Variants in RYR2 observed in about 807,000 individuals in gnomAD.
The protein encoded by RYR2 is ryanodine receptor 2, also known as cardiac muscle ryanodine receptor-calcium release channel.
A neutral mutation model predicts 601.1 loss-of-function variants in RYR2; 227 were observed. The observed-to-expected ratio is 0.38, with a 90% confidence interval of 0.34 to 0.42. The LOEUF is 0.42. Ranked by LOEUF, RYR2 falls within the 10% of genes least tolerant of loss-of-function variation. The pLI is 1.00. For synonymous variants in RYR2, 2,223 were observed against 2,175.1 expected, an observed-to-expected ratio of 1.02 and a Z score of -0.61; for missense variants, 4,646 against 6,156.5, an observed-to-expected ratio of 0.75 and a Z score of 8.21.
intron 25 of RYR2, among the ~76,000 whole-genome samples, chr1:237,546,570 G>A (rs1264856784): frequency 1.3e-5 from 2 of 151,900 alleles, no homozygotes; most frequent in Non-Finnish European, 2.9e-5. Flanking sequence ...TAGTAGAGAT[G>A]GGGTTTTGCC....
At chr1:237,116,437 T>C (rs1165681358) in intron 1 of RYR2, among the ~76,000 whole-genome samples, 2 of 152,052 alleles carry the variant, frequency 1.3e-5, no homozygotes, top group Non-Finnish European at 2.9e-5. Context: ...GGAGGTACTC[T>C]TATATTAGTC....
intron 1 of RYR2, among the ~76,000 whole-genome samples, chr1:237,260,755 A>G (rs1339173630): frequency 6.6e-6 from 1 of 152,226 alleles, no homozygotes. Flanking sequence ...ATTTAGTTTT[A>G]TTATTTAGAA....
At position 237,400,928 on chromosome 1, in the gene RYR2, G is replaced by A. The variant is rs184721887; in HGVS notation, c.773+12745G>A. ...TTAGAAGAATCATAGGATGGAAATGGATCAAAAATTGTACAAATCTCCCTA... is the reference window on the plus strand; with the variant it reads ...TTAGAAGAATCATAGGATGGAAATGAATCAAAAATTGTACAAATCTCCCTA... On this transcript the variant is annotated intron_variant, in intron 10 of 104. Transcript: ENST00000366574. Among the ~76,000 whole-genome samples the A allele has an allele frequency of 1.2e-4, 18 of 152,260 alleles. No homozygotes were observed. The South Asian group carries it at 2.7e-3, about 23-fold the overall frequency.
chr1:237,435,367 A>G (rs1055741459), intron 12 of RYR2, among the ~76,000 whole-genome samples: 1 of 152,242 alleles, frequency 6.6e-6, no homozygotes, highest in Non-Finnish European at 1.5e-5. Context: ...TTAACTACAT[A>G]GTAAGACTAA....
chr1:237,501,858 T>C (rs547501715), intron 21 of RYR2, among the ~76,000 whole-genome samples: 141 of 152,312 alleles, frequency 9.3e-4, no homozygotes, highest in Non-Finnish European at 1.6e-3. Context: ...AAAAGAATTA[T>C]GGACAGGTGC....
intron 1 of RYR2, among the ~76,000 whole-genome samples, chr1:237,268,241 A>T (rs756942621): frequency 5.9e-5 from 9 of 152,326 alleles, no homozygotes; most frequent in Non-Finnish European, 1.3e-4. Context: ...CCAAGAGTGT[A>T]GTTTGCATGT....
At chr1:237,745,390 G>T (rs1173743912) in intron 80 of RYR2, among the ~76,000 whole-genome samples, 1 of 152,048 alleles carries the variant, frequency 6.6e-6, no homozygotes, top group Non-Finnish European at 1.5e-5. Flanking sequence ...AATATGAAGG[G>T]CTCTCCTAAC....
At chr1:237,286,694 T>A (rs1420999628) in intron 2 of RYR2, among the ~76,000 whole-genome samples, 9 of 151,644 alleles carry the variant, frequency 5.9e-5, no homozygotes, top group South Asian at 4.2e-4. Context: ...TTTATGTGAG[T>A]CCTTATGTAT....
At chr1:237,425,935 T>G (rs1306283509) in intron 12 of RYR2, among the ~76,000 whole-genome samples, 1 of 152,134 alleles carries the variant, frequency 6.6e-6, no homozygotes, top group Non-Finnish European at 1.5e-5. Context: ...ATTTTATATT[T>G]TTGACAGATT....
chr1:237,730,217 ATT>A lies in RYR2; in HGVS notation c.10839-40_10839-39del, dbSNP rs752693293. 8 of 1,130,388 alleles carry A rather than the reference ATT, an allele frequency of 7.1e-6. No homozygotes were observed. In the South Asian group the frequency reaches 8.7e-5, roughly 12 times the overall value. The allele number at this position is 1,130,388 out of a possible 1,614,324, so 70.0% of individuals were successfully genotyped here. The stretch of plus-strand genomic sequence containing the variant: ...GCACTACTCAATACAATTTCAACTT[ATT>A]TTCTAAACACCCTTTTTCTGAAATT... On this transcript the variant is annotated intron_variant, in intron 76 of 104. Transcript: ENST00000366574.
chr1:237,369,493 G>GT (rs1485522304), intron 5 of RYR2, 41 bp from the exon 6 acceptor site: 10 of 1,507,186 alleles, frequency 6.6e-6, no homozygotes, highest in Non-Finnish European at 9.0e-6. Flanking sequence ...ACTCTTTTGT[G>GT]TTTTTCTCTC....
chr1:237,609,547 G>A (rs929782512), intron 35 of RYR2, among the ~76,000 whole-genome samples: 3 of 151,666 alleles, frequency 2.0e-5, no homozygotes, highest in Non-Finnish European at 4.4e-5. Flanking sequence ...TTTTACAGGC[G>A]AATTTTTGTA....
intron 1 of RYR2, among the ~76,000 whole-genome samples, chr1:237,110,676 C>T (rs1669370907): frequency 6.6e-6 from 1 of 152,194 alleles, no homozygotes; most frequent in Non-Finnish European, 1.5e-5. Flanking sequence ...GGTAGGGGCA[C>T]ACCTGCTATC....
intron 1 of RYR2, among the ~76,000 whole-genome samples, chr1:237,243,537 C>T (rs1419978539): frequency 6.6e-6 from 1 of 152,212 alleles, no homozygotes; most frequent in African/African-American, 2.4e-5. Flanking sequence ...GGAACTTCCA[C>T]ATGTTCAGCT....
intron 29 of RYR2, 45 bp from the exon 30 acceptor site, chr1:237,589,748 T>C: frequency 6.4e-7 from 1 of 1,556,938 alleles, no homozygotes. Context: ...ACTAACAGGA[T>C]CATATACTAA....
intron 38 of RYR2, among the ~76,000 whole-genome samples, chr1:237,621,013 T>C (rs489088): frequency 0.56 from 85,674 of 152,054 alleles, 28,075 homozygotes; most frequent in Non-Finnish European, 0.72. Flanking sequence ...GAACATATCC[T>C]GGGCCATAAA....
At chr1:237,247,312 T>C (rs1332617764) in intron 1 of RYR2, among the ~76,000 whole-genome samples, 1 of 152,240 alleles carries the variant, frequency 6.6e-6, no homozygotes, top group Non-Finnish European at 1.5e-5. Flanking sequence ...GCTACACTTT[T>C]CTTGTCATTT....
intron 4 of RYR2, among the ~76,000 whole-genome samples, chr1:237,363,500 T>A (rs968520065): frequency 4.6e-5 from 7 of 152,086 alleles, no homozygotes; most frequent in Non-Finnish European, 8.8e-5. Context: ...TTCCTTGCTG[T>A]TTTTCTTACA....
chr1:237,440,556 A>G (rs1304417876), intron 12 of RYR2, among the ~76,000 whole-genome samples: 1 of 152,204 alleles, frequency 6.6e-6, no homozygotes, highest in African/African-American at 2.4e-5. Context: ...GATTTGAAAA[A>G]AACATTTGGC....
Sources: gnomAD v4.1 joint callset for allele counts (sites outside exome capture counted in the v4.1 genomes callset) on GRCh38, gnomAD v4.1.1 for gene constraint, MANE v1.5 for transcripts, NCBI Gene and HGNC (gene_info 2026-07-23, HGNC 2026-07-21) for gene names.